CACNA2D3: variants seen among roughly 807,000 people sequenced by gnomAD.
CACNA2D3 encodes voltage-dependent calcium channel subunit alpha-2/delta-3.
A neutral mutation model predicts 160.6 loss-of-function variants in CACNA2D3; 60 were observed. The ratio of observed to expected loss-of-function variants is 0.37; its 90% confidence interval spans 0.30 to 0.46. CACNA2D3 has a LOEUF of 0.46. CACNA2D3 is among the 20% of genes least tolerant of loss of function. The pLI, the probability that CACNA2D3 is intolerant of heterozygous loss-of-function variation, is 1.00. For missense variants in CACNA2D3, 1,205 were observed against 1,365.0 expected, an observed-to-expected ratio of 0.88 and a Z score of 1.85; for synonymous variants, 558 against 492.9, an observed-to-expected ratio of 1.13 and a Z score of -1.75.
chr3:54,175,079 CTCT>C (rs1341148219), intron 2 of CACNA2D3, among the ~76,000 whole-genome samples: 1 of 152,206 alleles, frequency 6.6e-6, no homozygotes, highest in South Asian at 2.1e-4. Context: ...GACATTGAAA[CTCT>C]TCTTTGAGAG....
intron 2 of CACNA2D3, among the ~76,000 whole-genome samples, chr3:54,171,473 T>C (rs76484108): frequency 1.7e-3 from 259 of 152,220 alleles, no homozygotes; most frequent in African/African-American, 6.1e-3. Flanking sequence ...GCATGTTGTT[T>C]ATAAACACCC....
chr3:54,672,890 A>G (rs569822013), intron 11 of CACNA2D3, among the ~76,000 whole-genome samples: 68 of 152,332 alleles, frequency 4.5e-4, no homozygotes, highest in African/African-American at 1.5e-3. Flanking sequence ...TGTGATACCA[A>G]TGACAACGAT....
chr3:55,032,415 A>G (rs1453410496), intron 35 of CACNA2D3, among the ~76,000 whole-genome samples: 1 of 152,180 alleles, frequency 6.6e-6, no homozygotes, highest in Non-Finnish European at 1.5e-5. Context: ...GGAGCCATAC[A>G]CTTCTCAATG....
intron 5 of CACNA2D3, among the ~76,000 whole-genome samples, chr3:54,531,502 G>A (rs1701805095): frequency 6.6e-6 from 1 of 152,322 alleles, no homozygotes; most frequent in Admixed American, 6.5e-5. Flanking sequence ...TGTGCAAGCA[G>A]AACTTTTGAT....
chr3:54,795,484 A>G (rs1047362351), intron 13 of CACNA2D3, among the ~76,000 whole-genome samples: 9 of 152,118 alleles, frequency 5.9e-5, no homozygotes, highest in African/African-American at 2.2e-4. Flanking sequence ...GGTGGGCATT[A>G]TGTTTCTGAG....
chr3:54,694,166 C>CT (rs1242173800), intron 11 of CACNA2D3, among the ~76,000 whole-genome samples: 4 of 152,190 alleles, frequency 2.6e-5, no homozygotes, highest in Admixed American at 6.6e-5. Flanking sequence ...CTATACCATA[C>CT]TTTCCGATAT....
At chr3:54,814,959 C>T (rs182864568) in intron 13 of CACNA2D3, among the ~76,000 whole-genome samples, 51 of 152,284 alleles carry the variant, frequency 3.3e-4, no homozygotes, top group Non-Finnish European at 5.0e-4. Flanking sequence ...GACATAGCTG[C>T]GATTCGACAC....
intron 2 of CACNA2D3, among the ~76,000 whole-genome samples, chr3:54,181,051 C>G (rs929203173): frequency 2.0e-5 from 3 of 152,276 alleles, no homozygotes; most frequent in South Asian, 4.1e-4. Flanking sequence ...GGAGGCTTCC[C>G]TCTTCTCTGT....
At chr3:54,594,022 A>G (rs968093668) in intron 9 of CACNA2D3, among the ~76,000 whole-genome samples, 1 of 152,208 alleles carries the variant, frequency 6.6e-6, no homozygotes. Context: ...AATAACCAAT[A>G]TACTACTGGG....
At chr3:55,023,790 T>C (rs1444402701) in intron 35 of CACNA2D3, among the ~76,000 whole-genome samples, 1 of 151,936 alleles carries the variant, frequency 6.6e-6, no homozygotes, top group Admixed American at 6.6e-5. Flanking sequence ...ATAATTAGAA[T>C]ACATATTTTT....
At chr3:54,677,042 G>A (rs1026540637) in intron 11 of CACNA2D3, among the ~76,000 whole-genome samples, 13 of 152,132 alleles carry the variant, frequency 8.5e-5, no homozygotes, top group African/African-American at 1.2e-4. Flanking sequence ...GATTCAGAAA[G>A]GAGTTGATAT....
intron 3 of CACNA2D3, among the ~76,000 whole-genome samples, chr3:54,378,874 A>G (rs1699053881): frequency 6.6e-6 from 1 of 152,212 alleles, no homozygotes; most frequent in South Asian, 2.1e-4. Flanking sequence ...ATGCAGGCTT[A>G]GATGTAGAAT....
intron 34 of CACNA2D3, among the ~76,000 whole-genome samples, chr3:55,013,728 G>A (rs1431029421): frequency 1.3e-5 from 2 of 152,058 alleles, no homozygotes; most frequent in Non-Finnish European, 2.9e-5. Flanking sequence ...GTATCATTTT[G>A]GTGAAGTTAC....
At chr3:54,617,707 A>G (rs1356130408) in intron 9 of CACNA2D3, among the ~76,000 whole-genome samples, 2 of 152,258 alleles carry the variant, frequency 1.3e-5, no homozygotes, top group African/African-American at 4.8e-5. Context: ...TCTGGCAACC[A>G]TAGCTCTTGC....
At chr3:54,513,810 A>G (rs1020790822) in intron 5 of CACNA2D3, among the ~76,000 whole-genome samples, 1 of 152,112 alleles carries the variant, frequency 6.6e-6, no homozygotes, top group African/African-American at 2.4e-5. Flanking sequence ...CCCCCCAAGT[A>G]GCTGGGTTTA....
At chr3:54,627,760 A>G in intron 9 of CACNA2D3, 27 bp from the exon 10 acceptor site, 1 of 1,487,774 alleles carries the variant, frequency 6.7e-7, no homozygotes, top group Non-Finnish European at 9.3e-7. Context: ...GACAGACACT[A>G]ATGGATTTTC....
intron 25 of CACNA2D3, chr3:54,894,642 G>A (rs1172177328): frequency 1.9e-6 from 1 of 513,592 alleles, no homozygotes; most frequent in Middle Eastern, 3.2e-4. Context: ...CTTCTGCTCA[G>A]TCGTGGCTGC....
At chr3:54,305,125 C>T (rs922962286) in intron 2 of CACNA2D3, among the ~76,000 whole-genome samples, 85 of 152,144 alleles carry the variant, frequency 5.6e-4, no homozygotes, top group African/African-American at 1.9e-3. Context: ...TGAACATAAA[C>T]GTGAGTCAGT....
intron 4 of CACNA2D3, among the ~76,000 whole-genome samples, chr3:54,491,504 A>G (rs1701108217): frequency 6.6e-6 from 1 of 152,214 alleles, no homozygotes; most frequent in Admixed American, 6.5e-5. Flanking sequence ...ACCTCTGTCC[A>G]GGGATTCAGA....
Sources: gnomAD v4.1 joint callset for allele counts (sites outside exome capture counted in the v4.1 genomes callset) on GRCh38, gnomAD v4.1.1 for gene constraint, MANE v1.5 for transcripts, NCBI Gene and HGNC (gene_info 2026-07-23, HGNC 2026-07-21) for gene names.